The following ANKRD42 variants were observed in gnomAD, a reference collection of about 807,000 sequenced individuals.
ANKRD42 encodes ankyrin repeat domain-containing protein 42.
A neutral mutation model predicts 51.5 loss-of-function variants in ANKRD42; 43 were observed. The observed-to-expected ratio is 0.83, with a 90% confidence interval of 0.65 to 1.08. The LOEUF (loss-of-function observed/expected upper bound fraction) is 1.08. Among genes scored for constraint, ANKRD42 ranks in the 50% least tolerant of loss-of-function variants. The probability of loss-of-function intolerance (pLI) is 0.00; values close to 1 mark genes in which losing one functional copy is unlikely to be tolerated. For synonymous variants in ANKRD42, 203 were observed against 213.0 expected (o/e 0.95, Z 0.41); for missense variants, 608 against 629.3 (o/e 0.97, Z 0.36).
exon 12 of ANKRD42, chr11:83,255,906 C>T: frequency 6.5e-7 from 1 of 1,533,952 alleles, no homozygotes; most frequent in Non-Finnish European, 8.7e-7. Context: ...AAGGTTTCTT[C>T]TGGAGGGGTG....
chr11:83,264,166 A>G (rs1180884642), downstream of ANKRD42, among the ~76,000 whole-genome samples: 1 of 152,180 alleles, frequency 6.6e-6, no homozygotes, highest in Non-Finnish European at 1.5e-5. Flanking sequence ...ATTGTCCTTA[A>G]TAATAAAAAA....
chr11:83,241,634 G>A (rs1348361314), intron 9 of ANKRD42, among the ~76,000 whole-genome samples: 1 of 152,182 alleles, frequency 6.6e-6, no homozygotes, highest in Admixed American at 6.5e-5. Context: ...GGTCTGAAAG[G>A]TAAGCAGGGA....
rs61900280 is a variant in ANKRD42 at position 83,226,226 on chromosome 11, C to T, written c.787+1171C>T. ...ATGTACACATACACACACACACACA[C>T]ATACACACACACATACACACACACA... On this transcript the variant is annotated intron_variant, in intron 6 of 10. Transcript: ENST00000533342. Among the ~76,000 whole-genome samples, 547 of 135,410 alleles carry T rather than the reference C, an allele frequency of 4.0e-3. 9 individuals carry two copies. In the East Asian group the frequency reaches 0.07, roughly 17 times the overall value. 88.8% of individuals were successfully genotyped at this position (135,410 alleles called of 152,430 possible).
At chr11:83,220,632 T>C (rs952084757) in intron 5 of ANKRD42, among the ~76,000 whole-genome samples, 1 of 152,202 alleles carries the variant, frequency 6.6e-6, no homozygotes, top group Non-Finnish European at 1.5e-5. Flanking sequence ...TTCTTTATAG[T>C]TGAAGAAGCT....
At chr11:83,213,629 A>G in intron 5 of ANKRD42, 1 of 957,754 alleles carries the variant, frequency 1.0e-6, no homozygotes, top group Non-Finnish European at 1.3e-6. Flanking sequence ...CCTGATGACT[A>G]AAGATGTTGA....
At chr11:83,212,725 C>CCTA (rs1862373145) in intron 5 of ANKRD42, 7 of 1,535,954 alleles carry the variant, frequency 4.6e-6, no homozygotes, top group Non-Finnish European at 6.1e-6. Context: ...TTGGCACCTA[C>CCTA]CTACCTGCAT....
intron 1 of ANKRD42, 75 bp from the exon 2 acceptor site, chr11:83,198,404 T>C (rs1196329109): frequency 7.0e-7 from 1 of 1,422,632 alleles, no homozygotes; most frequent in African/African-American, 1.4e-5. Flanking sequence ...GTGCTTTCTG[T>C]TATATCACTG....
Position 83,198,626 on chromosome 11 carries a change from A to G in ANKRD42, c.206A>G (p.His69Arg), listed in dbSNP as rs1861752815. The change falls in exon 2 of 11, where the codon CAT (histidine) becomes CGT (arginine). Residue 69 changes from histidine to arginine, a missense_variant. His to Arg is a conservative substitution (Grantham distance 29, BLOSUM62 0). Transcript: ENST00000533342. ...TTTACCCCTTTACATTGGGCAGCAC[A>G]TTCTGGAAGTTTGGAGGTAAGAAAC... The part of the protein sequence containing the change: ...HKFTPLHWAA[H>R]SGSLECLHWL... 2 of 1,598,816 alleles carry G rather than the reference A, an allele frequency of 1.3e-6. No individual in the cohort carries two copies. The highest frequency in any genetic ancestry group is 1.3e-5 in the African/African-American group (1 of 74,256).
chr11:83,228,181 T>A (rs892659011), intron 7 of ANKRD42, among the ~76,000 whole-genome samples: 5 of 147,116 alleles, frequency 3.4e-5, no homozygotes, highest in East Asian at 4.2e-4. Flanking sequence ...ATAACATTTT[T>A]AAAATGACCT....
chr11:83,194,047 C>T lies in ANKRD42; in HGVS notation c.-624C>T, dbSNP rs929988145. ...TGACTTGAGAAGGGTCAGTGAAAAC[C>T]TCGGCCACTGCCGCAGCGTCTCTAG... On this transcript the variant is annotated 5_prime_UTR_variant, in exon 1 of 11. Coordinates refer to ENST00000533342, the MANE Select transcript of ANKRD42 (RefSeq NM_001300975.2). The T allele has an allele frequency of 8.1e-5, 37 of 456,422 alleles. No individual in the cohort carries two copies. The highest frequency in any genetic ancestry group is 1.5e-4 in the Non-Finnish European group (33 of 226,808). The allele number at this position is 456,422 out of a possible 1,614,324, so 28.3% of individuals were successfully genotyped here.
intron 2 of ANKRD42, 119 bp downstream of exon 2, chr11:83,198,761 A>G (rs1861758104): frequency 1.1e-6 from 1 of 939,204 alleles, no homozygotes; most frequent in Non-Finnish European, 1.5e-6. Context: ...TTTCAGTCAT[A>G]GTCAGTTTAA....
intron 6 of ANKRD42, among the ~76,000 whole-genome samples, chr11:83,225,865 T>C (rs1862865738): frequency 6.6e-6 from 1 of 151,954 alleles, no homozygotes; most frequent in Non-Finnish European, 1.5e-5. Flanking sequence ...TTACCTTTTC[T>C]TCCTCCTCAA....
intron 9 of ANKRD42, among the ~76,000 whole-genome samples, chr11:83,243,960 G>T (rs1863465819): frequency 7.1e-6 from 1 of 139,912 alleles, no homozygotes; most frequent in East Asian, 2.0e-4. Context: ...CACCTCGCCT[G>T]GCTGCCCTTT....
chr11:83,248,296 TACACACACACACAC>T lies in ANKRD42; in HGVS notation c.*119_*132del, dbSNP rs58376016. The T allele has an allele frequency of 4.8e-4, 618 of 1,300,630 alleles. No individual in the cohort carries two copies. The highest frequency in any genetic ancestry group is 4.0e-3 in the East Asian group (142 of 35,444). 80.6% of individuals were successfully genotyped at this position (1,300,630 alleles called of 1,614,324 possible). On this transcript the variant is annotated 3_prime_UTR_variant, in exon 11 of 11. Transcript: ENST00000533342. ...AGAGCTGATGACAGGATTAAAGGAA[TACACACACACACAC>T]ACACACACACACACACACACACACA...
chr11:83,216,478 C>T (rs1162644810), intron 5 of ANKRD42, among the ~76,000 whole-genome samples: 1 of 152,124 alleles, frequency 6.6e-6, no homozygotes, highest in Non-Finnish European at 1.5e-5. Context: ...GCGCCCGCCA[C>T]CTCGCCCGGC....
At chr11:83,213,693 T>A in intron 5 of ANKRD42, 1 of 406,674 alleles carries the variant, frequency 2.5e-6, no homozygotes, top group Non-Finnish European at 3.6e-6. Flanking sequence ...TGTGATGTAC[T>A]AGTTCAAATC....
intron 2 of ANKRD42, among the ~76,000 whole-genome samples, chr11:83,199,987 C>A (rs1261888812): frequency 6.6e-6 from 1 of 151,990 alleles, no homozygotes; most frequent in African/African-American, 2.4e-5. Flanking sequence ...TCCCACATTC[C>A]TATTTGTTCT....
At chr11:83,205,980 T>A in intron 2 of ANKRD42, 78 bp from the exon 3 acceptor site, 3 of 1,253,492 alleles carry the variant, frequency 2.4e-6, no homozygotes, top group Non-Finnish European at 3.4e-6. Flanking sequence ...TGCTATTTTA[T>A]GATAACAGAC....
Position 83,245,558 on chromosome 11 carries a change from A to G in ANKRD42, c.1256A>G (p.Tyr419Cys), listed in dbSNP as rs140715449. Residue 419 changes from tyrosine (Y) to cysteine (C), a missense_variant, in exon 10 of 11, where the codon TAT becomes TGT. Coordinates refer to ENST00000533342, the MANE Select transcript of ANKRD42 (RefSeq NM_001300975.2). ...CTCCTGGAAATTGCCGAGAGCAACT[A>G]TAAACACTTGGGAGGCATAACAGAA... ...RHLLEIAESN[Y>C]KHLGGITEED... is the part of the protein sequence containing the mutation. 18 of 1,536,754 alleles carry G rather than the reference A, an allele frequency of 1.2e-5. No homozygotes were observed. In the East Asian group the frequency reaches 3.7e-4, roughly 31 times the overall value.
Sources: allele counts gnomAD v4.1 joint callset (sites outside exome capture counted in the v4.1 genomes callset), GRCh38; gene constraint gnomAD v4.1.1; transcripts MANE v1.5; gene names NCBI Gene and HGNC (gene_info 2026-07-23, HGNC 2026-07-21).